Variants in CSMD1 observed in about 807,000 individuals in gnomAD.
CSMD1 encodes CUB and sushi domain-containing protein 1.
In CSMD1, 213 loss-of-function variants were observed where a neutral mutation model predicts 417.5. The ratio of observed to expected loss-of-function variants is 0.51; its 90% CI spans 0.46 to 0.57. The LOEUF (loss-of-function observed/expected upper bound fraction) is 0.57, where lower values mean the gene tolerates loss of function less well. Ranked by LOEUF, CSMD1 falls within the 20% of genes least tolerant of loss-of-function variation. CSMD1 has a pLI of 0.00. For synonymous variants in CSMD1, 2,862 were observed against 1,736.8 expected (o/e 1.65, Z -16.11); for missense variants, 6,923 against 4,529.7 (o/e 1.53, Z -15.17).
chr8:3,360,641 AAAG>A lies in CSMD1; in HGVS notation c.3116-1304_3116-1302del, dbSNP rs199730127. Among the ~76,000 whole-genome samples the A allele has an allele frequency of 7.4e-4, 113 of 152,366 alleles. 1 individual carries two copies. The East Asian group carries it at 0.018, about 24-fold the overall frequency. The stretch of plus-strand genomic sequence containing the variant: ...CCAACTAAAAGATGTGCATTATTGC[AAAG>A]AATTGGGACAATGAAGATCACTCTT... On this transcript the variant is annotated intron_variant, in intron 20 of 69. Coordinates refer to ENST00000635120, the MANE Select transcript of CSMD1 (RefSeq NM_033225.6).
intron 8 of CSMD1, among the ~76,000 whole-genome samples, chr8:3,597,189 G>A (rs1252069306): frequency 6.6e-6 from 1 of 152,118 alleles, no homozygotes; most frequent in African/African-American, 2.4e-5. Flanking sequence ...CTTTGAGAAG[G>A]GGACACAGGA....
In CSMD1 at chr8:3,207,122, T is replaced by C. The variant is rs1797338433; in HGVS notation, c.4868-1502A>G. 6.0e-5 allele frequency among the ~76,000 whole-genome samples: 9 copies of C among 150,980 alleles called. 1 individual carries two copies. The South Asian group carries it at 1.7e-3, about 28-fold the overall frequency. ...TTCTACAGCTCATTTCTTCTTGATA[T>C]GGCCATTTTCTTTTTTTTTTTTCAT... On this transcript the variant is annotated intron_variant, in intron 30 of 69. Coordinates refer to ENST00000635120, the MANE Select transcript of CSMD1 (RefSeq NM_033225.6).
chr8:4,170,517 G>C (rs1018599563), intron 3 of CSMD1, among the ~76,000 whole-genome samples: 14 of 151,882 alleles, frequency 9.2e-5, no homozygotes, highest in African/African-American at 2.9e-4. Flanking sequence ...TTATTAAGTA[G>C]AGGTAAAGTC....
intron 5 of CSMD1, among the ~76,000 whole-genome samples, chr8:3,934,361 A>G (rs780160310): frequency 1.3e-5 from 2 of 152,186 alleles, no homozygotes; most frequent in Non-Finnish European, 2.9e-5. Context: ...AAAAATACAT[A>G]TTTAGTCTTG....
chr8:4,991,125 A>G (rs1455776643), intron 1 of CSMD1, among the ~76,000 whole-genome samples: 1 of 152,160 alleles, frequency 6.6e-6, no homozygotes, highest in Non-Finnish European at 1.5e-5. Context: ...AACAACTGAG[A>G]AGGAAACTTC....
chr8:3,012,569 G>GA (rs959418451), intron 52 of CSMD1, among the ~76,000 whole-genome samples: 4 of 151,744 alleles, frequency 2.6e-5, no homozygotes, highest in Non-Finnish European at 5.9e-5. Flanking sequence ...ACAATTCAGG[G>GA]AAAAAAAATG....
intron 7 of CSMD1, among the ~76,000 whole-genome samples, chr8:3,661,006 T>A (rs1798390500): frequency 6.6e-6 from 1 of 152,182 alleles, no homozygotes; most frequent in Non-Finnish European, 1.5e-5. Flanking sequence ...GCACCCAGCG[T>A]CAACTGCTAT....
intron 41 of CSMD1, among the ~76,000 whole-genome samples, chr8:3,126,116 A>G (rs1032099901): frequency 1.4e-4 from 22 of 152,202 alleles, no homozygotes; most frequent in African/African-American, 5.1e-4. Context: ...GGTTGTGCCA[A>G]TACGGGGACT....
intron 10 of CSMD1, among the ~76,000 whole-genome samples, chr8:3,528,253 C>G (rs1236235344): frequency 2.0e-5 from 3 of 152,220 alleles, no homozygotes; most frequent in Non-Finnish European, 4.4e-5. Flanking sequence ...AAGGGATAGA[C>G]ACATCTCAAA....
chr8:4,634,320 T>C lies in CSMD1; in HGVS notation c.302+3022A>G, dbSNP rs1032410728. Among the ~76,000 whole-genome samples the C allele has an allele frequency of 2.0e-5, 3 of 152,340 alleles. 1 individual carries two copies. In the South Asian group the frequency reaches 6.2e-4, roughly 32 times the overall value. On this transcript the variant is annotated intron_variant, in intron 2 of 69. Coordinates refer to ENST00000635120, the MANE Select transcript of CSMD1 (RefSeq NM_033225.6). ...CCAGTTACAAGGTAAGCATCAATAA[T>C]TCTAAAGTATATATTCTGTTTTGTC...
At chr8:3,290,148 A>T (rs1803442713) in intron 25 of CSMD1, among the ~76,000 whole-genome samples, 5 of 146,552 alleles carry the variant, frequency 3.4e-5, no homozygotes, top group South Asian at 2.1e-4. Context: ...GATATGCAGC[A>T]TTATTTCTGA....
intron 5 of CSMD1, among the ~76,000 whole-genome samples, chr8:3,854,530 G>T (rs1030579940): frequency 6.6e-6 from 1 of 152,060 alleles, no homozygotes; most frequent in Non-Finnish European, 1.5e-5. Context: ...AACTGCACGG[G>T]TTATGGGCAG....
At chr8:3,691,403 A>G (rs1297565115) in intron 7 of CSMD1, among the ~76,000 whole-genome samples, 1 of 151,978 alleles carries the variant, frequency 6.6e-6, no homozygotes, top group African/African-American at 2.4e-5. Flanking sequence ...AAAAACAAAA[A>G]CAAAACAAAC....
chr8:4,296,852 C>A (rs1164738407), intron 3 of CSMD1, among the ~76,000 whole-genome samples: 1 of 151,894 alleles, frequency 6.6e-6, no homozygotes, highest in African/African-American at 2.4e-5. Context: ...CTGCTATCTC[C>A]CAGACTTGTC....
chr8:3,239,042 C>T (rs1303562613), intron 26 of CSMD1, among the ~76,000 whole-genome samples: 4 of 152,144 alleles, frequency 2.6e-5, no homozygotes, highest in South Asian at 2.1e-4. Flanking sequence ...AAAGGAACAT[C>T]TATACAGGAG....
intron 3 of CSMD1, among the ~76,000 whole-genome samples, chr8:4,339,170 G>T (rs1348815199): frequency 6.6e-6 from 1 of 152,068 alleles, no homozygotes; most frequent in Non-Finnish European, 1.5e-5. Flanking sequence ...AAATTCTTGA[G>T]CCAGGCTTTA....
At chr8:4,009,675 G>C (rs931446175) in intron 4 of CSMD1, among the ~76,000 whole-genome samples, 8 of 152,004 alleles carry the variant, frequency 5.3e-5, no homozygotes, top group Admixed American at 4.6e-4. Flanking sequence ...GTAATACTGG[G>C]AGATATTATT....
chr8:3,532,750 T>C (rs536509519), intron 10 of CSMD1, among the ~76,000 whole-genome samples: 21 of 152,190 alleles, frequency 1.4e-4, no homozygotes, highest in Non-Finnish European at 2.6e-4. Context: ...TATTGATCAA[T>C]ATATAGACAA....
chr8:3,324,498 AT>A (rs1806385574), intron 23 of CSMD1, among the ~76,000 whole-genome samples: 2 of 131,790 alleles, frequency 1.5e-5, no homozygotes, highest in South Asian at 5.2e-4. Context: ...ATAGACACAC[AT>A]TCAACCCCCA....
Sources: allele counts gnomAD v4.1 joint callset (sites outside exome capture counted in the v4.1 genomes callset), GRCh38; gene constraint gnomAD v4.1.1; transcripts MANE v1.5; gene names NCBI Gene and HGNC (gene_info 2026-07-23, HGNC 2026-07-21).